SNTG1: variants seen among roughly 807,000 people sequenced by gnomAD.
SNTG1 encodes the protein syntrophin gamma 1, also known as gamma-1-syntrophin.
Under a neutral mutation model 74.7 loss-of-function variants are expected in SNTG1, and 39 were observed. The observed-to-expected ratio is 0.52, with a 90% CI of 0.40 to 0.68. The LOEUF (loss-of-function observed/expected upper bound fraction) is 0.68. SNTG1 is among the 30% of genes least tolerant of loss of function. The probability of loss-of-function intolerance (pLI) is 0.00; values close to 1 mark genes in which losing one functional copy is unlikely to be tolerated. For missense variants in SNTG1, 685 were observed against 609.5 expected (o/e 1.12, Z -1.30); for synonymous variants, 254 against 217.1 (o/e 1.17, Z -1.49).
intron 1 of SNTG1, among the ~76,000 whole-genome samples, chr8:50,151,405 T>A (rs2131539948): frequency 6.6e-6 from 1 of 152,312 alleles, no homozygotes; most frequent in African/African-American, 2.4e-5. Flanking sequence ...TTTGTGTCTC[T>A]ATCTTCTTCA....
chr8:50,038,896 G>A (rs1818384921), intron 1 of SNTG1, among the ~76,000 whole-genome samples: 1 of 152,158 alleles, frequency 6.6e-6, no homozygotes, highest in South Asian at 2.1e-4. Flanking sequence ...GGTTAATCAG[G>A]TGTTGGTGTG....
At chr8:50,556,264 A>T (rs563281235) in intron 12 of SNTG1, among the ~76,000 whole-genome samples, 55 of 152,270 alleles carry the variant, frequency 3.6e-4, no homozygotes, top group Non-Finnish European at 6.3e-4. Flanking sequence ...CACAGCTTTC[A>T]ACTCATTTTA....
chr8:50,243,796 C>A (rs1029103309), intron 2 of SNTG1, among the ~76,000 whole-genome samples: 3 of 151,738 alleles, frequency 2.0e-5, no homozygotes, highest in South Asian at 2.1e-4. Flanking sequence ...ATGAAAAAAA[C>A]AAATACATGA....
At chr8:50,474,994 G>A (rs62515690) in intron 8 of SNTG1, among the ~76,000 whole-genome samples, 1,929 of 148,316 alleles carry the variant, frequency 0.013, 31 homozygotes, top group Non-Finnish European at 0.016. Flanking sequence ...ACCAAACACC[G>A]CGTGTTCTCA....
At chr8:50,743,764 G>A (rs1006046849) in intron 17 of SNTG1, among the ~76,000 whole-genome samples, 3 of 151,798 alleles carry the variant, frequency 2.0e-5, no homozygotes, top group Middle Eastern at 3.2e-3. Flanking sequence ...AGATGTATTA[G>A]GCCATTCTTG....
intron 1 of SNTG1, among the ~76,000 whole-genome samples, chr8:49,918,878 T>G (rs73569306): frequency 0.011 from 1,667 of 152,256 alleles, 33 homozygotes; most frequent in African/African-American, 0.037. Flanking sequence ...CAGCTTAAAG[T>G]GGCTTAATCC....
intron 2 of SNTG1, among the ~76,000 whole-genome samples, chr8:50,252,335 G>A (rs988127611): frequency 3.3e-5 from 5 of 152,066 alleles, no homozygotes; most frequent in African/African-American, 1.2e-4. Flanking sequence ...CCCAACATTA[G>A]TAGTGGAAGG....
intron 13 of SNTG1, among the ~76,000 whole-genome samples, chr8:50,622,924 G>A (rs1048734092): frequency 6.6e-5 from 10 of 151,844 alleles, no homozygotes; most frequent in African/African-American, 2.4e-5. Context: ...CGATGTTTTC[G>A]GTGAAAATGT....
At chr8:50,352,241 AT>A (rs1488314794) in intron 2 of SNTG1, among the ~76,000 whole-genome samples, 2 of 152,234 alleles carry the variant, frequency 1.3e-5, no homozygotes, top group East Asian at 3.9e-4. Context: ...CTGGAAAGCA[AT>A]TTTCAGAACA....
intron 2 of SNTG1, among the ~76,000 whole-genome samples, chr8:50,356,344 T>A (rs76958027): frequency 0.047 from 7,227 of 152,202 alleles, 223 homozygotes; most frequent in Middle Eastern, 0.1. Context: ...TCAGGGTGCC[T>A]CACAGTACTG....
At chr8:50,310,461 G>A (rs2090065056) in intron 2 of SNTG1, among the ~76,000 whole-genome samples, 1 of 152,122 alleles carries the variant, frequency 6.6e-6, no homozygotes, top group Non-Finnish European at 1.5e-5. Flanking sequence ...GGTCAAGGTG[G>A]ATGGGTCACC....
chr8:50,318,827 T>G (rs2090414916), intron 2 of SNTG1, among the ~76,000 whole-genome samples: 1 of 152,168 alleles, frequency 6.6e-6, no homozygotes, highest in African/African-American at 2.4e-5. Context: ...ATCATCAACC[T>G]TCTATTTTAA....
At position 50,663,395 on chromosome 8, in the gene SNTG1, G is replaced by C. The variant is rs145368121; in HGVS notation, c.1038+4732G>C. 2.2e-3 allele frequency among the ~76,000 whole-genome samples: 332 copies of C among 152,278 alleles called. 2 individuals carry two copies. Among genetic ancestry groups the C allele is most frequent in the African/African-American group, 7.6e-3 (315 of 41,568 alleles). On this transcript the variant is annotated intron_variant, in intron 15 of 18. Coordinates refer to ENST00000642720, the MANE Select transcript of SNTG1 (RefSeq NM_018967.5). ...TCCTCTTCGAATGCAACGTGAGATG[G>C]AGATGAAGGGGCCAGAGGGGAGTGC...
chr8:49,958,900 T>A (rs1335053590), intron 1 of SNTG1, among the ~76,000 whole-genome samples: 1 of 152,220 alleles, frequency 6.6e-6, no homozygotes, highest in Non-Finnish European at 1.5e-5. Flanking sequence ...ATGGCCTTCA[T>A]AACAGTGTAA....
chr8:50,013,526 CATATATACATAT>C (rs1356341079), intron 1 of SNTG1, among the ~76,000 whole-genome samples: 1 of 151,138 alleles, frequency 6.6e-6, no homozygotes, highest in Non-Finnish European at 1.5e-5. Flanking sequence ...TGTATGTGCA[CATATATACATAT>C]ATATATACAT....
chr8:50,271,194 T>C (rs1202066352), intron 2 of SNTG1, among the ~76,000 whole-genome samples: 5 of 152,192 alleles, frequency 3.3e-5, no homozygotes, highest in African/African-American at 1.2e-4. Context: ...TAAAAATATG[T>C]CAGCTTTTGG....
At chr8:50,100,066 G>T (rs1401510747) in intron 1 of SNTG1, among the ~76,000 whole-genome samples, 1 of 152,000 alleles carries the variant, frequency 6.6e-6, no homozygotes, top group Non-Finnish European at 1.5e-5. Flanking sequence ...ATACACATTG[G>T]AATACTATTC....
At chr8:50,120,813 G>C (rs1449602310) in intron 1 of SNTG1, among the ~76,000 whole-genome samples, 1 of 142,284 alleles carries the variant, frequency 7.0e-6, no homozygotes, top group African/African-American at 2.5e-5. Flanking sequence ...TATGTACCAA[G>C]TTCTTAATTT....
chr8:50,715,595 T>C (rs1160910662), intron 17 of SNTG1, among the ~76,000 whole-genome samples: 1 of 152,194 alleles, frequency 6.6e-6, no homozygotes, highest in African/African-American at 2.4e-5. Context: ...AGCTACTGTA[T>C]ACTATTATAT....
Sources: allele counts gnomAD v4.1 joint callset (sites outside exome capture counted in the v4.1 genomes callset), GRCh38; gene constraint gnomAD v4.1.1; transcripts MANE v1.5; gene names NCBI Gene and HGNC (gene_info 2026-07-23, HGNC 2026-07-21).